Variants in PHEX observed in about 807,000 individuals in gnomAD.
PHEX encodes phosphate regulating endopeptidase X-linked.
Under a neutral mutation model 68.0 loss-of-function variants are expected in PHEX, and 16 were observed. The ratio of observed to expected loss-of-function variants is 0.24; its 90% CI spans 0.16 to 0.36. The LOEUF is 0.36. PHEX is among the 10% of genes least tolerant of loss of function. The pLI is 1.00. For synonymous variants in PHEX, 208 were observed against 205.1 expected, an observed-to-expected ratio of 1.01 and a Z score of -0.12; for missense variants, 480 against 575.5, an observed-to-expected ratio of 0.83 and a Z score of 1.70.
At chrX:22,054,418 A>G (rs573937448) in intron 3 of PHEX, among the ~76,000 whole-genome samples, 23 of 112,207 alleles carry the variant, frequency 2.0e-4, no homozygotes, top group African/African-American at 6.8e-4. Flanking sequence ...TACAGGTGTG[A>G]GCCACCGCAC....
At chrX:22,236,706 A>G (rs5904520) in intron 20 of PHEX, among the ~76,000 whole-genome samples, 42,201 of 110,956 alleles carry the variant, frequency 0.38, 6,219 homozygotes, top group African/African-American at 0.48. Flanking sequence ...CAGGGACCTT[A>G]TAGTCTTCAA....
intron 5 of PHEX, among the ~76,000 whole-genome samples, chrX:22,088,738 C>T (rs977458107): frequency 1.8e-5 from 2 of 110,966 alleles, no homozygotes; most frequent in African/African-American, 6.6e-5. Flanking sequence ...AGATATTTTC[C>T]CCATTCTGTG....
intron 2 of PHEX, among the ~76,000 whole-genome samples, chrX:22,042,880 A>G (rs947805765): frequency 3.6e-5 from 4 of 112,526 alleles, no homozygotes; most frequent in Non-Finnish European, 7.5e-5. Context: ...CACAATGCTG[A>G]TTCTTAACCC....
chrX:22,040,728 G>A (rs1450655903), intron 2 of PHEX, among the ~76,000 whole-genome samples: 1 of 110,781 alleles, frequency 9.0e-6, no homozygotes, highest in Non-Finnish European at 1.9e-5. Context: ...GAGCTTGCTA[G>A]GTGAGGTGCA....
intron 12 of PHEX, among the ~76,000 whole-genome samples, chrX:22,134,418 C>G (rs1264192923): frequency 3.6e-5 from 4 of 111,948 alleles, no homozygotes; most frequent in African/African-American, 1.3e-4. Context: ...TGGCAAAACC[C>G]CATCTCTGCT....
intron 11 of PHEX, among the ~76,000 whole-genome samples, chrX:22,126,335 G>A (rs761639941): frequency 8.9e-6 from 1 of 111,848 alleles, no homozygotes; most frequent in Non-Finnish European, 1.9e-5. Flanking sequence ...AGAGGGAATT[G>A]AAAGTGTGGG....
chrX:22,129,498 C>T (rs1248445234), intron 11 of PHEX, among the ~76,000 whole-genome samples: 1 of 111,233 alleles, frequency 9.0e-6, no homozygotes, highest in African/African-American at 3.3e-5. Context: ...GAGAAAAGAC[C>T]CACGTTTATA....
intron 20 of PHEX, among the ~76,000 whole-genome samples, chrX:22,244,676 A>G (rs934171090): frequency 3.8e-4 from 43 of 111,907 alleles, no homozygotes; most frequent in Middle Eastern, 4.6e-3. Flanking sequence ...ATACCACAGG[A>G]GTAGAAAAGA....
chrX:22,071,838 C>G (rs1173326260), intron 3 of PHEX, among the ~76,000 whole-genome samples: 1 of 112,519 alleles, frequency 8.9e-6, no homozygotes, highest in Non-Finnish European at 1.9e-5. Flanking sequence ...TGGCTCATGC[C>G]TGTAATCCCA....
At position 22,176,070 on chromosome X, in the gene PHEX, AC is replaced by A. The variant is rs1224566408; in HGVS notation, c.1483-2201del. ...CTGTTTCTTCTGAGGCTAAAAGAAA[AC>A]CTTTATCTTAAAATATAATCAATTA... On this transcript the variant is annotated intron_variant, in intron 13 of 21. Coordinates refer to ENST00000379374, the MANE Select transcript of PHEX (RefSeq NM_000444.6). Among the ~76,000 whole-genome samples the A allele has an allele frequency of 9.9e-5, 11 of 111,109 alleles. No individual in the cohort carries two copies. In the Admixed American group the frequency reaches 1.1e-3, roughly 11 times the overall value.
chrX:22,092,199 G>C (rs1332861514), intron 6 of PHEX, among the ~76,000 whole-genome samples: 1 of 111,036 alleles, frequency 9.0e-6, no homozygotes, highest in Non-Finnish European at 1.9e-5. Flanking sequence ...CTTTATTAAG[G>C]AAGTTATTTT....
At chrX:22,238,771 C>G (rs1474095362) in intron 20 of PHEX, among the ~76,000 whole-genome samples, 1 of 111,783 alleles carries the variant, frequency 8.9e-6, no homozygotes. Flanking sequence ...AGGTAAAACC[C>G]CCATCTCCCT....
intron 20 of PHEX, among the ~76,000 whole-genome samples, chrX:22,228,071 C>T (rs761796365): frequency 2.2e-3 from 245 of 111,648 alleles, no homozygotes; most frequent in Middle Eastern, 0.014. Context: ...TATGCAGAGA[C>T]CCCTAGAGCT....
At chrX:22,227,768 A>T (rs1019326079) in intron 20 of PHEX, among the ~76,000 whole-genome samples, 157 bp downstream of exon 20, 4 of 112,278 alleles carry the variant, frequency 3.6e-5, no homozygotes, top group Non-Finnish European at 5.6e-5. Context: ...TCATCTTCTT[A>T]ATGTTCTGTA....
chrX:22,044,813 A>C (rs976018293), intron 2 of PHEX, among the ~76,000 whole-genome samples: 35 of 111,543 alleles, frequency 3.1e-4, no homozygotes, highest in Non-Finnish European at 3.4e-4. Flanking sequence ...AAGCACGAAA[A>C]TGTTAAGCCA....
intron 9 of PHEX, among the ~76,000 whole-genome samples, chrX:22,103,377 T>G (rs1310375454): frequency 9.0e-6 from 1 of 110,940 alleles, no homozygotes; most frequent in African/African-American, 3.3e-5. Flanking sequence ...TCTTTAGTGG[T>G]GATTTCTGAG....
At chrX:22,225,684 ATTC>A (rs771339720) in intron 18 of PHEX, among the ~76,000 whole-genome samples, 16 of 112,329 alleles carry the variant, frequency 1.4e-4, no homozygotes, top group Non-Finnish European at 2.8e-4. Flanking sequence ...CCACAATATT[ATTC>A]TTCTTTTGAT....
chrX:22,077,479 C>G lies in PHEX; in HGVS notation c.440C>G (p.Ala147Gly), dbSNP rs749081778. ...ILYSSCMNEK[A>G]IEKADAKPLL... is the part of the protein sequence containing the mutation. Reference sequence around the variant, plus strand: ...CTTCATATCTGCTCCCTTTCAGAAGCGATTGAAAAAGCAGATGCCAAGCCA... The same window carrying G: ...CTTCATATCTGCTCCCTTTCAGAAGGGATTGAAAAAGCAGATGCCAAGCCA... Residue 147 changes from alanine to glycine, a missense_variant, in exon 5 of 22, where the codon GCG becomes GGG. Coordinates refer to ENST00000379374, the MANE Select transcript of PHEX (RefSeq NM_000444.6). The G allele has an allele frequency of 4.1e-6, 5 of 1,205,850 alleles. No homozygotes were observed. The highest frequency in any genetic ancestry group is 2.2e-5 in the Admixed American group (1 of 46,036).
chrX:22,054,059 A>G (rs774745776), intron 3 of PHEX, among the ~76,000 whole-genome samples: 1 of 112,433 alleles, frequency 8.9e-6, no homozygotes, highest in Non-Finnish European at 1.9e-5. Flanking sequence ...TATTGAAAAC[A>G]GTGAATTGTC....
Sources: allele counts gnomAD v4.1 joint callset (sites outside exome capture counted in the v4.1 genomes callset), GRCh38; gene constraint gnomAD v4.1.1; transcripts MANE v1.5; gene names NCBI Gene and HGNC (gene_info 2026-07-23, HGNC 2026-07-21).